RBM8A: variants seen among roughly 807,000 people sequenced by gnomAD.
The protein encoded by RBM8A is RNA binding motif protein 8A.
A neutral mutation model predicts 25.1 loss-of-function variants in RBM8A; 8 were observed. The ratio of observed to expected loss-of-function variants is 0.32; its 90% CI spans 0.19 to 0.58. RBM8A has a LOEUF of 0.58. Among genes scored for constraint, RBM8A ranks in the 20% least tolerant of loss-of-function variants. The probability of loss-of-function intolerance (pLI) is 0.88; values close to 1 mark genes in which losing one functional copy is unlikely to be tolerated. For synonymous variants in RBM8A, 66 were observed against 80.0 expected, an observed-to-expected ratio of 0.82 and a Z score of 0.94; for missense variants, 114 against 236.8, an observed-to-expected ratio of 0.48 and a Z score of 3.40.
At chr1:145,927,199 C>A in intron 1 of RBM8A, 122 bp from the exon 2 acceptor site, 1 of 1,470,678 alleles carries the variant, frequency 6.8e-7, no homozygotes, top group South Asian at 1.2e-5. Flanking sequence ...CCTTCCCGGT[C>A]ACGCCCTCCC....
rs1647939477 is a variant in RBM8A at position 145,923,787 on chromosome 1, A to G, written c.*2095T>C. ...ATTTTGGCAGCACCCATTTTACACAATATTTCTTTTTCCACAAAATAACAG... is the reference window on the plus strand; with the variant it reads ...ATTTTGGCAGCACCCATTTTACACAGTATTTCTTTTTCCACAAAATAACAG... On this transcript the variant is annotated 3_prime_UTR_variant, in exon 6 of 6. Coordinates refer to ENST00000583313, the MANE Select transcript of RBM8A (RefSeq NM_005105.5). 2 of 527,216 alleles carry G rather than the reference A, an allele frequency of 3.8e-6. No homozygotes were observed. Among genetic ancestry groups the G allele is most frequent in the South Asian group, 3.4e-5 (1 of 29,390 alleles). 32.7% of individuals were successfully genotyped at this position (527,216 alleles called of 1,614,324 possible).
intron 1 of RBM8A, 69 bp from the exon 2 acceptor site, chr1:145,927,146 T>C: frequency 6.3e-7 from 1 of 1,582,038 alleles, no homozygotes; most frequent in Non-Finnish European, 8.7e-7. Context: ...TCTTTCCCAA[T>C]ACACTACCAG....
In RBM8A at chr1:145,925,665, T is replaced by C. The variant is rs1192166044; in HGVS notation, c.*217A>G. On this transcript the variant is annotated 3_prime_UTR_variant, in exon 6 of 6. Coordinates refer to ENST00000583313, the MANE Select transcript of RBM8A (RefSeq NM_005105.5). ...CTAGAAGTATCTTCACAATGATCCA[T>C]ACAGCCTTGCTATGCTTTAGAACTT... 1 of 576,542 alleles carries C rather than the reference T, an allele frequency of 1.7e-6. No individual in the cohort carries two copies. The highest frequency in any genetic ancestry group is 2.9e-5 in the East Asian group (1 of 33,918). The allele number at this position is 576,542 out of a possible 1,614,324, so 35.7% of individuals were successfully genotyped here. A position where few individuals can be genotyped will look rare whatever the true frequency, so the allele number is the denominator to read the frequency against.
chr1:145,926,907 A>T (rs1648191340), intron 2 of RBM8A, 21 bp from the exon 3 acceptor site: 1 of 1,613,818 alleles, frequency 6.2e-7, no homozygotes, highest in South Asian at 1.1e-5. Flanking sequence ...CATACACGAG[A>T]TCACCGAAAA....
chr1:145,925,410 G>A lies in RBM8A; in HGVS notation c.*472C>T, dbSNP rs1270497889. 1.1e-5 allele frequency: 4 copies of A among 363,546 alleles called. No homozygotes were observed. In the East Asian group the frequency reaches 2.9e-4, roughly 27 times the overall value. The allele number at this position is 363,546 out of a possible 1,614,324, so 22.5% of individuals were successfully genotyped here. On this transcript the variant is annotated 3_prime_UTR_variant, in exon 6 of 6. Transcript: ENST00000583313. ...TCTAATATAGAAACTCACATAACTA[G>A]CCCAGGTAACACAGCAAGACCCCAT...
chr1:145,925,661 T>G lies in RBM8A; in HGVS notation c.*221A>C, dbSNP rs1457369489. 3.2e-4 allele frequency: 182 copies of G among 568,028 alleles called. 1 individual carries two copies. The highest frequency in any genetic ancestry group is 4.6e-4 in the Non-Finnish European group (145 of 318,484). The allele number at this position is 568,028 out of a possible 1,614,324, so 35.2% of individuals were successfully genotyped here. ...GTCCCTAGAAGTATCTTCACAATGA[T>G]CCATACAGCCTTGCTATGCTTTAGA... On this transcript the variant is annotated 3_prime_UTR_variant, in exon 6 of 6. Coordinates refer to ENST00000583313, the MANE Select transcript of RBM8A (RefSeq NM_005105.5).
rs1648084998 is a variant in RBM8A at position 145,925,315 on chromosome 1, T to C, written c.*567A>G. 3.1e-6 allele frequency: 1 copy of C among 317,698 alleles called. No individual in the cohort carries two copies. The highest frequency in any genetic ancestry group is 2.4e-5 in the South Asian group (1 of 41,084). The allele number at this position is 317,698 out of a possible 1,614,324, so 19.7% of individuals were successfully genotyped here. ...CATCTCACTTCTACTCCTGCTCTCCTAGTTCCCCCCAAAAAAGAAATACTG... is the reference window on the plus strand; with the variant it reads ...CATCTCACTTCTACTCCTGCTCTCCCAGTTCCCCCCAAAAAAGAAATACTG... On this transcript the variant is annotated 3_prime_UTR_variant, in exon 6 of 6. Transcript: ENST00000583313.
intron 1 of RBM8A, 68 bp downstream of exon 1, chr1:145,927,291 TA>T (rs1648214360): frequency 1.4e-5 from 21 of 1,539,226 alleles, no homozygotes; most frequent in Non-Finnish European, 1.7e-5. Flanking sequence ...GAAAAAAGAG[TA>T]AATTTTCCTA....
At position 145,923,041 on chromosome 1, in the gene RBM8A, C is replaced by G; in HGVS notation, c.*2841G>C. On this transcript the variant is annotated 3_prime_UTR_variant, in exon 6 of 6. Transcript: ENST00000583313. ...GGTTCAGGTCATTCTCCTGCCTCAG[C>G]CTCCCGAGTTCCCAAGTAGCTGGGA... The G allele has an allele frequency of 6.6e-6, 1 of 152,176 alleles. No homozygotes were observed. The highest frequency in any genetic ancestry group is 1.5e-5 in the Non-Finnish European group (1 of 68,038). The allele number at this position is 152,176 out of a possible 1,614,324, so 9.4% of individuals were successfully genotyped here. A position where few individuals can be genotyped will look rare whatever the true frequency, so the allele number is the denominator to read the frequency against.
At position 145,923,360 on chromosome 1, in the gene RBM8A, T is replaced by C. The variant is rs587657105; in HGVS notation, c.*2522A>G. ...GGAAGAGGAAAGACCATTTCCCAACTAGCTCAGAGTAGCCTGATCGTAACT... is the reference window on the plus strand; with the variant it reads ...GGAAGAGGAAAGACCATTTCCCAACCAGCTCAGAGTAGCCTGATCGTAACT... On this transcript the variant is annotated 3_prime_UTR_variant, in exon 6 of 6. Coordinates refer to ENST00000583313, the MANE Select transcript of RBM8A (RefSeq NM_005105.5). The C allele has an allele frequency of 2.6e-5, 4 of 152,638 alleles. No individual in the cohort carries two copies. The highest frequency in any genetic ancestry group is 9.6e-5 in the African/African-American group (4 of 41,612). 9.5% of individuals were successfully genotyped at this position (152,638 alleles called of 1,614,324 possible).
chr1:145,923,672 T>C lies in RBM8A; in HGVS notation c.*2210A>G, dbSNP rs1647935364. The C allele has an allele frequency of 2.6e-6, 1 of 387,188 alleles. No individual in the cohort carries two copies. Among genetic ancestry groups the C allele is most frequent in the African/African-American group, 2.1e-5 (1 of 48,484 alleles). The allele number at this position is 387,188 out of a possible 1,614,324, so 24.0% of individuals were successfully genotyped here. On this transcript the variant is annotated 3_prime_UTR_variant, in exon 6 of 6. Transcript: ENST00000583313. The stretch of plus-strand genomic sequence containing the variant: ...ATAGCATTTGGAAAATGTTAAATTT[T>C]ATTATTTAACATTCTTTACCATTAT...
Position 145,922,239 on chromosome 1 carries a change from GA to G in RBM8A, c.*3642del, listed in dbSNP as rs1356075337. Reference sequence around the variant, plus strand: ...ACTCTGTTGGGGGTGGGGTGGGGGGGAAAGAGAAAAATAATACTTCTAATAT... The same window carrying G: ...ACTCTGTTGGGGGTGGGGTGGGGGGGAAGAGAAAAATAATACTTCTAATAT... On this transcript the variant is annotated 3_prime_UTR_variant, in exon 6 of 6. Transcript: ENST00000583313. 3 of 141,450 alleles carry G rather than the reference GA, an allele frequency of 2.1e-5. No individual in the cohort carries two copies. Among genetic ancestry groups the G allele is most frequent in the East Asian group, 2.4e-4 (1 of 4,228 alleles). The allele number at this position is 141,450 out of a possible 1,614,324, so 8.8% of individuals were successfully genotyped here. A position where few individuals can be genotyped will look rare whatever the true frequency, so the allele number is the denominator to read the frequency against.
Position 145,927,457 on chromosome 1 carries a change from G to T in RBM8A, c.-31C>A, listed in dbSNP as rs782173924. On this transcript the variant is annotated 5_prime_UTR_variant, in exon 1 of 6. Transcript: ENST00000583313. ...CTTCGATCGAGATCTCGTCTGTGCC[G>T]CTCAGACACTAGGTACCTCGGGAAA... is the stretch of plus-strand genomic sequence containing the variant. 13 of 1,598,732 alleles carry T rather than the reference G, an allele frequency of 8.1e-6. No individual in the cohort carries two copies. The highest frequency in any genetic ancestry group is 2.7e-5 in the African/African-American group (2 of 74,702).
At position 145,923,430 on chromosome 1, in the gene RBM8A, T is replaced by G. The variant is rs1378189498; in HGVS notation, c.*2452A>C. On this transcript the variant is annotated 3_prime_UTR_variant, in exon 6 of 6. Coordinates refer to ENST00000583313, the MANE Select transcript of RBM8A (RefSeq NM_005105.5). ...CTCTTAGGCTGAAACTATTCATCTT[T>G]CCTAAATGTCCCTCATGTCTGCTAA... The G allele has an allele frequency of 6.5e-6, 1 of 154,798 alleles. No homozygotes were observed. Among genetic ancestry groups the G allele is most frequent in the Non-Finnish European group, 1.4e-5 (1 of 69,550 alleles). 9.6% of individuals were successfully genotyped at this position (154,798 alleles called of 1,614,324 possible).
rs1219722488 is a variant in RBM8A at position 145,924,555 on chromosome 1, G to T, written c.*1327C>A. ...CAATTATAAACAGCTGAGTTAGCTG[G>T]ACAAGGACTAGGGAGGCAATCAGTA... On this transcript the variant is annotated 3_prime_UTR_variant, in exon 6 of 6. Transcript: ENST00000583313. 35 of 369,900 alleles carry T rather than the reference G, an allele frequency of 9.5e-5. No homozygotes were observed. Among genetic ancestry groups the T allele is most frequent in the Non-Finnish European group, 1.2e-4 (22 of 181,728 alleles). 22.9% of individuals were successfully genotyped at this position (369,900 alleles called of 1,614,324 possible).
chr1:145,922,571 A>C lies in RBM8A; in HGVS notation c.*3311T>G, dbSNP rs782408922. 3.9e-5 allele frequency: 6 copies of C among 152,218 alleles called. No homozygotes were observed. The highest frequency in any genetic ancestry group is 8.8e-5 in the Non-Finnish European group (6 of 68,050). 9.4% of individuals were successfully genotyped at this position (152,218 alleles called of 1,614,324 possible). On this transcript the variant is annotated 3_prime_UTR_variant, in exon 6 of 6. Coordinates refer to ENST00000583313, the MANE Select transcript of RBM8A (RefSeq NM_005105.5). ...AATATTTGCAACCTCTATTTGTTTC[A>C]ATGGCAAACTGGTTGTGACATGATA...
intron 3 of RBM8A, 40 bp downstream of exon 3, chr1:145,926,769 C>T (rs1553756000): frequency 3.1e-6 from 5 of 1,614,100 alleles, no homozygotes; most frequent in Non-Finnish European, 4.2e-6. Context: ...CTAACTACTA[C>T]CACAGACACG....
Position 145,922,640 on chromosome 1 carries a change from T to C in RBM8A, c.*3242A>G, listed in dbSNP as rs1374211993. 6 of 152,196 alleles carry C rather than the reference T, an allele frequency of 3.9e-5. No homozygotes were observed. Among genetic ancestry groups the C allele is most frequent in the African/African-American group, 1.4e-4 (6 of 41,446 alleles). 9.4% of individuals were successfully genotyped at this position (152,196 alleles called of 1,614,324 possible). On this transcript the variant is annotated 3_prime_UTR_variant, in exon 6 of 6. Transcript: ENST00000583313. ...TTTTTTGTTCCAAATTAGTATCCTT[T>C]TAGGTAAATTCTGTATTGCCCATAT...
At chr1:145,926,283 C>T in intron 4 of RBM8A, 106 bp from the exon 5 acceptor site, 1 of 1,501,116 alleles carries the variant, frequency 6.7e-7, no homozygotes, top group Non-Finnish European at 9.1e-7. Flanking sequence ...ACACTTTAAA[C>T]AATGAATGTA....
Sources: allele counts gnomAD v4.1 joint callset, GRCh38; gene constraint gnomAD v4.1.1; transcripts MANE v1.5; gene names NCBI Gene and HGNC (gene_info 2026-07-23, HGNC 2026-07-21).